Variants in AIG1 observed in about 807,000 individuals in gnomAD.
AIG1 encodes the protein androgen induced 1, also known as androgen-induced gene 1 protein.
Under a neutral mutation model 31.4 loss-of-function variants are expected in AIG1, and 23 were observed. The ratio of observed to expected loss-of-function variants is 0.73; its 90% CI spans 0.53 to 1.04. The LOEUF is 1.04. Ranked by LOEUF, AIG1 falls within the 50% of genes least tolerant of loss-of-function variation. The pLI, the probability that AIG1 is intolerant of heterozygous loss-of-function variation, is 0.00. For synonymous variants in AIG1, 100 were observed against 110.5 expected (o/e 0.90, Z 0.60); for missense variants, 274 against 295.0 (o/e 0.93, Z 0.52).
chr6:143,239,827 T>C (rs560810943), intron 3 of AIG1, among the ~76,000 whole-genome samples: 2 of 152,324 alleles, frequency 1.3e-5, no homozygotes, highest in East Asian at 3.9e-4. Context: ...TTAGAACTCA[T>C]CTCATATTCT....
intron 2 of AIG1, among the ~76,000 whole-genome samples, chr6:143,139,791 G>A (rs1784098898): frequency 6.6e-6 from 1 of 151,880 alleles, no homozygotes; most frequent in Non-Finnish European, 1.5e-5. Context: ...GCTATTTGAT[G>A]TTTTGTATCT....
At chr6:143,146,713 T>A (rs1784747139) in intron 2 of AIG1, among the ~76,000 whole-genome samples, 1 of 152,176 alleles carries the variant, frequency 6.6e-6, no homozygotes, top group African/African-American at 2.4e-5. Flanking sequence ...TGGACCAAAG[T>A]GTACTGTTAC....
chr6:143,238,023 C>T (rs368084498), intron 3 of AIG1, among the ~76,000 whole-genome samples: 2 of 152,200 alleles, frequency 1.3e-5, no homozygotes, highest in African/African-American at 4.8e-5. Flanking sequence ...TCACTGCAAC[C>T]TTTGCCTCCT....
At chr6:143,185,990 A>G (rs934114409) in intron 3 of AIG1, among the ~76,000 whole-genome samples, 6 of 152,192 alleles carry the variant, frequency 3.9e-5, no homozygotes, top group Non-Finnish European at 2.9e-5. Context: ...TGATTGATTT[A>G]TAATTTTCAG....
intron 2 of AIG1, among the ~76,000 whole-genome samples, chr6:143,141,563 T>C (rs1400279153): frequency 1.3e-5 from 2 of 152,200 alleles, no homozygotes; most frequent in Admixed American, 6.5e-5. Flanking sequence ...CATCCTGATT[T>C]GTGTAGATTC....
intron 3 of AIG1, among the ~76,000 whole-genome samples, chr6:143,247,470 G>A (rs1794698150): frequency 6.6e-6 from 1 of 152,140 alleles, no homozygotes; most frequent in African/African-American, 2.4e-5. Context: ...TATTTCTGGA[G>A]GCAGAACTAA....
At chr6:143,190,997 C>T (rs1307245407) in intron 3 of AIG1, among the ~76,000 whole-genome samples, 1 of 151,978 alleles carries the variant, frequency 6.6e-6, no homozygotes, top group Non-Finnish European at 1.5e-5. Context: ...TTTAATGCTC[C>T]CTTACATAGC....
chr6:143,124,037 T>C (rs1782455198), intron 1 of AIG1, among the ~76,000 whole-genome samples: 2 of 152,242 alleles, frequency 1.3e-5, no homozygotes, highest in Admixed American at 6.5e-5. Context: ...ATGATTCTTC[T>C]GCAGTTCATA....
At chr6:143,236,977 A>T (rs1408650220) in intron 3 of AIG1, among the ~76,000 whole-genome samples, 1 of 150,500 alleles carries the variant, frequency 6.6e-6, no homozygotes, top group Non-Finnish European at 1.5e-5. Flanking sequence ...AGGTATTATC[A>T]CTATCTTGGT....
rs867865375 is a variant in AIG1, at chr6:143,299,851, C to T, written c.515+15626C>T. On this transcript the variant is annotated intron_variant, in intron 4 of 5. Transcript: ENST00000357847. The surrounding 1 kb of genome is among the most constrained non-coding windows in gnomAD (Gnocchi z 4.1). The stretch of plus-strand genomic sequence containing the variant: ...GGTCTCACTGCCATTCCCAATCTAA[C>T]CTTGAGTCTGAGATCAGATGTCACA... Among the ~76,000 whole-genome samples the T allele has an allele frequency of 9.2e-5, 14 of 152,308 alleles. No individual in the cohort carries two copies. The Middle Eastern group carries it at 0.01, about 111-fold the overall frequency.
At chr6:143,301,618 G>T (rs775963100) in intron 4 of AIG1, among the ~76,000 whole-genome samples, 2 of 152,212 alleles carry the variant, frequency 1.3e-5, no homozygotes, top group Non-Finnish European at 2.9e-5. Context: ...GCAGCAAGAA[G>T]TACAGAGCAA....
chr6:143,207,103 G>A (rs554377019), intron 3 of AIG1, among the ~76,000 whole-genome samples: 1 of 152,094 alleles, frequency 6.6e-6, no homozygotes, highest in African/African-American at 2.4e-5. Flanking sequence ...GAACAAGTGA[G>A]GGGAGTTGTA....
At chr6:143,092,812 G>A (rs1026237851) in intron 1 of AIG1, among the ~76,000 whole-genome samples, 1 of 152,136 alleles carries the variant, frequency 6.6e-6, no homozygotes, top group African/African-American at 2.4e-5. Context: ...CGTTTTGAGA[G>A]TCTGAGGCGG....
Position 143,330,980 on chromosome 6 carries a change from A to G in AIG1, c.516-2302A>G, listed in dbSNP as rs963616457. Among the ~76,000 whole-genome samples, 1 of 152,174 alleles carries G rather than the reference A, an allele frequency of 6.6e-6. No homozygotes were observed. Among genetic ancestry groups the G allele is most frequent in the African/African-American group, 2.4e-5 (1 of 41,448 alleles). On this transcript the variant is annotated intron_variant, in intron 4 of 5. Transcript: ENST00000357847. The surrounding 1 kb of genome is among the most constrained non-coding windows in gnomAD (Gnocchi z 4.4). ...CAACTGCTTCAGCTTTTCTAACAGA[A>G]TCTTTGGACTAACATGGCCTCTTTT...
At chr6:143,191,766 AC>A (rs1230675812) in intron 3 of AIG1, among the ~76,000 whole-genome samples, 4 of 152,216 alleles carry the variant, frequency 2.6e-5, no homozygotes, top group Non-Finnish European at 4.4e-5. Flanking sequence ...ACTTTAGATT[AC>A]ATTTAAAAAA....
intron 3 of AIG1, among the ~76,000 whole-genome samples, chr6:143,173,688 A>G (rs185931348): frequency 6.6e-6 from 1 of 152,230 alleles, no homozygotes; most frequent in African/African-American, 2.4e-5. Context: ...ATATATTTGC[A>G]TGGTTTTGAG....
At chr6:143,110,120 C>G (rs561384196) in intron 1 of AIG1, among the ~76,000 whole-genome samples, 9 of 152,052 alleles carry the variant, frequency 5.9e-5, no homozygotes, top group Non-Finnish European at 1.2e-4. Flanking sequence ...GCAGCTTTGC[C>G]CTATAGCAGT....
chr6:143,164,788 A>G (rs889387762), intron 2 of AIG1, among the ~76,000 whole-genome samples: 1 of 152,198 alleles, frequency 6.6e-6, no homozygotes, highest in Non-Finnish European at 1.5e-5. Context: ...AACCAGCACA[A>G]TTAGCCCTGA....
chr6:143,262,624 A>G (rs1225376315), intron 3 of AIG1, among the ~76,000 whole-genome samples: 1 of 152,172 alleles, frequency 6.6e-6, no homozygotes, highest in African/African-American at 2.4e-5. Flanking sequence ...GACGAAAGGG[A>G]TTTTACGCAG....
Sources: allele counts gnomAD v4.1 joint callset (sites outside exome capture counted in the v4.1 genomes callset), GRCh38; gene constraint gnomAD v4.1.1; non-coding constraint Gnocchi (gnomAD v3.1); transcripts MANE v1.5; gene names NCBI Gene and HGNC (gene_info 2026-07-23, HGNC 2026-07-21).